NAV2: variants seen among roughly 807,000 people sequenced by gnomAD.
The protein encoded by NAV2 is helicase, APC down-regulated 1.
In NAV2, 54 loss-of-function variants were observed where a neutral mutation model predicts 223.2. The ratio of observed to expected loss-of-function variants is 0.24; its 90% CI spans 0.19 to 0.30. The LOEUF (loss-of-function observed/expected upper bound fraction) is 0.30, where lower values mean the gene tolerates loss of function less well. Among genes scored for constraint, NAV2 ranks in the 10% least tolerant of loss-of-function variants. NAV2 has a pLI of 1.00. For synonymous variants in NAV2, 1,279 were observed against 1,239.3 expected (o/e 1.03, Z -0.67); for missense variants, 2,806 against 3,147.5 (o/e 0.89, Z 2.60).
At position 19,389,572 on chromosome 11, in the gene NAV2, C is replaced by G. The variant is rs145553143; in HGVS notation, c.75+38545C>G. Among the ~76,000 whole-genome samples the G allele has an allele frequency of 5.4e-3, 817 of 152,314 alleles. 6 individuals are homozygous for G. Among genetic ancestry groups the G allele is most frequent in the South Asian group, 0.016 (78 of 4,828 alleles). The stretch of plus-strand genomic sequence containing the variant: ...GGATCCTCATCTGGACCATGAAGAT[C>G]AAGGACAGTCATCACACAACAACTC... On this transcript the variant is annotated intron_variant, in intron 1 of 37. Coordinates refer to the NAV2 transcript ENST00000360655.
intron 1 of NAV2, among the ~76,000 whole-genome samples, chr11:19,570,353 G>A (rs1935357492): frequency 6.6e-6 from 1 of 152,184 alleles, no homozygotes; most frequent in African/African-American, 2.4e-5. Context: ...CACAAAACTT[G>A]TAGGATAAAA....
At chr11:19,635,465 G>A (rs1430977952) in intron 1 of NAV2, among the ~76,000 whole-genome samples, 3 of 152,130 alleles carry the variant, frequency 2.0e-5, no homozygotes, top group Non-Finnish European at 4.4e-5. Flanking sequence ...CCTGAGGATT[G>A]GTAATTTACA....
chr11:19,468,796 C>G (rs1393335220), intron 1 of NAV2, among the ~76,000 whole-genome samples: 1 of 152,084 alleles, frequency 6.6e-6, no homozygotes, highest in African/African-American at 2.4e-5. Flanking sequence ...AGGTCCTTCT[C>G]TGATGTTACT....
At chr11:19,483,936 A>T (rs1478446955) in intron 1 of NAV2, among the ~76,000 whole-genome samples, 1 of 152,078 alleles carries the variant, frequency 6.6e-6, no homozygotes, top group Non-Finnish European at 1.5e-5. Flanking sequence ...TTGATTCTAG[A>T]ACCCAAATTT....
At chr11:19,348,684 CAT>C (rs1347026908), upstream of NAV2, among the ~76,000 whole-genome samples, 2 of 152,216 alleles carry the variant, frequency 1.3e-5, no homozygotes, top group African/African-American at 4.8e-5. Flanking sequence ...ACATTCAGTA[CAT>C]GTTAGCAATT....
At chr11:19,738,649 C>T (rs2052540029) in intron 1 of NAV2, among the ~76,000 whole-genome samples, 1 of 152,148 alleles carries the variant, frequency 6.6e-6, no homozygotes, top group Non-Finnish European at 1.5e-5. Context: ...GAGAATGGTT[C>T]CTGGCCATTG....
intron 7 of NAV2, among the ~76,000 whole-genome samples, chr11:19,935,864 T>TTGTTTTTTTTTTTTTTTG (rs2045833117): frequency 2.0e-5 from 2 of 101,154 alleles, no homozygotes; most frequent in South Asian, 9.0e-4. Context: ...TTTTTTTTTT[T>TTGTTTTTTTTTTTTTTTG]TTTTTTTTTT....
At chr11:19,951,334 G>A (rs1412901040) in intron 10 of NAV2, among the ~76,000 whole-genome samples, 1 of 152,090 alleles carries the variant, frequency 6.6e-6, no homozygotes, top group South Asian at 2.1e-4. Flanking sequence ...AATGGCTGGC[G>A]CAATTAATGG....
intron 20 of NAV2, among the ~76,000 whole-genome samples, chr11:20,066,133 C>T (rs2059028630): frequency 6.6e-6 from 1 of 152,238 alleles, no homozygotes; most frequent in African/African-American, 2.4e-5. Flanking sequence ...TTGGAACAGT[C>T]TCTGGCACAT....
intron 3 of NAV2, among the ~76,000 whole-genome samples, chr11:19,852,513 G>C (rs2061200606): frequency 6.6e-6 from 1 of 152,200 alleles, no homozygotes; most frequent in Non-Finnish European, 1.5e-5. Context: ...GGAGAGGCAA[G>C]TGCATTTCAT....
chr11:19,402,497 G>A (rs928933597), intron 1 of NAV2, among the ~76,000 whole-genome samples: 13 of 152,150 alleles, frequency 8.5e-5, no homozygotes, highest in African/African-American at 3.1e-4. Flanking sequence ...TTCCTTCACA[G>A]TCTGTATTTT....
intron 11 of NAV2, among the ~76,000 whole-genome samples, chr11:20,034,783 T>C (rs1484273215): frequency 6.6e-6 from 1 of 152,124 alleles, no homozygotes; most frequent in Non-Finnish European, 1.5e-5. Context: ...TGTGACAGGC[T>C]TGATGGCTGG....
intron 1 of NAV2, among the ~76,000 whole-genome samples, chr11:19,789,657 G>A (rs1361617457): frequency 6.6e-6 from 1 of 152,214 alleles, no homozygotes; most frequent in African/African-American, 2.4e-5. Context: ...GTCTTGATTA[G>A]AGGCAGAAAA....
chr11:19,426,793 C>G (rs2133556250), intron 1 of NAV2, among the ~76,000 whole-genome samples: 1 of 152,108 alleles, frequency 6.6e-6, no homozygotes, highest in African/African-American at 2.4e-5. Context: ...TCTTGAGGAC[C>G]TATCTGACTC....
chr11:19,997,123 G>T (rs1476862817), intron 11 of NAV2, among the ~76,000 whole-genome samples: 1 of 152,176 alleles, frequency 6.6e-6, no homozygotes, highest in Non-Finnish European at 1.5e-5. Flanking sequence ...AGTAATTGAA[G>T]CCCTAGAGAA....
chr11:19,908,097 G>C (rs1226480923), intron 6 of NAV2, among the ~76,000 whole-genome samples: 1 of 152,212 alleles, frequency 6.6e-6, no homozygotes, highest in African/African-American at 2.4e-5. Flanking sequence ...CTGCTGGCCG[G>C]AAACTGATCA....
intron 1 of NAV2, among the ~76,000 whole-genome samples, chr11:19,450,133 T>C (rs1294960799): frequency 6.6e-6 from 1 of 152,198 alleles, no homozygotes; most frequent in African/African-American, 2.4e-5. Context: ...TGGAAATCCA[T>C]GTACCACTGT....
intron 1 of NAV2, among the ~76,000 whole-genome samples, chr11:19,395,638 T>C (rs1289575358): frequency 6.6e-6 from 1 of 152,216 alleles, no homozygotes; most frequent in African/African-American, 2.4e-5. Context: ...GGACAGCGGC[T>C]GAGCCACTAA....
chr11:19,634,000 T>C (rs778661674), intron 1 of NAV2, among the ~76,000 whole-genome samples: 6 of 152,150 alleles, frequency 3.9e-5, no homozygotes, highest in Non-Finnish European at 7.3e-5. Flanking sequence ...ACACAGGAAA[T>C]ACTTCATAAA....
Sources: allele counts gnomAD v4.1 joint callset (sites outside exome capture counted in the v4.1 genomes callset), GRCh38; gene constraint gnomAD v4.1.1; transcripts MANE v1.5; gene names NCBI Gene and HGNC (gene_info 2026-07-23, HGNC 2026-07-21).